Variants in SDK2 observed in about 807,000 individuals in gnomAD.
SDK2 encodes sidekick cell adhesion molecule 2, also known as protein sidekick-2.
SDK2 carries 105 observed loss-of-function variants against 253.9 expected under a neutral mutation model. That is an observed-to-expected ratio of 0.41 (90% CI 0.35 to 0.49). SDK2 has a LOEUF of 0.49. Ranked by LOEUF, SDK2 falls within the 20% of genes least tolerant of loss-of-function variation. SDK2 has a pLI of 0.06. For synonymous variants in SDK2, 1,249 were observed against 1,234.9 expected, an observed-to-expected ratio of 1.01 and a Z score of -0.24; for missense variants, 2,608 against 3,003.0, an observed-to-expected ratio of 0.87 and a Z score of 3.07.
chr17:73,501,253 C>CACACAA (rs2063888928), intron 2 of SDK2, among the ~76,000 whole-genome samples: 1 of 151,932 alleles, frequency 6.6e-6, no homozygotes, highest in Middle Eastern at 3.4e-3. Context: ...CACACACACA[C>CACACAA]ACACACATAT....
At chr17:73,574,734 C>T (rs764481952) in intron 1 of SDK2, among the ~76,000 whole-genome samples, 8 of 152,236 alleles carry the variant, frequency 5.3e-5, no homozygotes, top group East Asian at 1.9e-4. Context: ...TTCTCCACCT[C>T]TCTAGACACT....
intron 15 of SDK2, among the ~76,000 whole-genome samples, chr17:73,421,773 C>G (rs1055900433): frequency 6.6e-6 from 1 of 151,864 alleles, no homozygotes; most frequent in African/African-American, 2.4e-5. Flanking sequence ...GTTGGCCAGG[C>G]TGGTTTCGAA....
At chr17:73,354,453 C>T (rs2062567983) in intron 40 of SDK2, among the ~76,000 whole-genome samples, 1 of 152,194 alleles carries the variant, frequency 6.6e-6, no homozygotes. Flanking sequence ...GGTGGGAAGG[C>T]CAGGAGGGGC....
At chr17:73,604,107 C>G (rs1274129590) in intron 1 of SDK2, among the ~76,000 whole-genome samples, 2 of 152,246 alleles carry the variant, frequency 1.3e-5, no homozygotes, top group African/African-American at 4.8e-5. Context: ...CGTCAGCCTT[C>G]CTGGCCAGGA....
At chr17:73,412,020 G>A (rs1372981633) in intron 18 of SDK2, among the ~76,000 whole-genome samples, 12 of 49,622 alleles carry the variant, frequency 2.4e-4, no homozygotes, top group African/African-American at 7.9e-4. Context: ...GTAGATATAC[G>A]TATATGTATA....
intron 12 of SDK2, among the ~76,000 whole-genome samples, chr17:73,429,902 C>A (rs2063312544): frequency 6.6e-6 from 1 of 152,162 alleles, no homozygotes; most frequent in Non-Finnish European, 1.5e-5. Context: ...GTGGCTTCCA[C>A]AGAGGCGGGA....
intron 37 of SDK2, among the ~76,000 whole-genome samples, chr17:73,367,239 C>T (rs894699695): frequency 1.3e-5 from 2 of 152,040 alleles, no homozygotes; most frequent in African/African-American, 4.8e-5. Flanking sequence ...GAACTCCTGA[C>T]CTCAAATGAT....
chr17:73,592,126 C>A (rs1255841124), intron 1 of SDK2, among the ~76,000 whole-genome samples: 3 of 152,242 alleles, frequency 2.0e-5, no homozygotes, highest in African/African-American at 7.2e-5. Flanking sequence ...CAGGGAACTG[C>A]AGCCTGTCTA....
Position 73,365,399 on chromosome 17 carries a change from C to T in SDK2, c.5168-4G>A, listed in dbSNP as rs780836188. ...ACCGAGCTGGGAGCGCTGGGGGCTG[C>T]GGGAGACAGCAAAGGGTTTTTGTTT... On this transcript the variant is annotated splice_region_variant and splice_polypyrimidine_tract_variant and intron_variant, in intron 37 of 44. Transcript: ENST00000392650. The T allele has an allele frequency of 4.1e-5, 66 of 1,598,838 alleles. No homozygotes were observed. Among genetic ancestry groups the T allele is most frequent in the Middle Eastern group, 3.3e-4 (2 of 6,022 alleles).
intron 1 of SDK2, among the ~76,000 whole-genome samples, chr17:73,610,340 T>C (rs868360961): frequency 1.2e-4 from 19 of 152,200 alleles, no homozygotes; most frequent in Admixed American, 6.5e-5. Flanking sequence ...ATGCACCTTT[T>C]GCCCTGCTCC....
At chr17:73,550,440 A>G (rs1429609472) in intron 1 of SDK2, among the ~76,000 whole-genome samples, 2 of 152,116 alleles carry the variant, frequency 1.3e-5, no homozygotes, top group African/African-American at 4.8e-5. Flanking sequence ...ACCAAAGGAT[A>G]ATTAGAATGG....
At chr17:73,528,714 G>A (rs998274006) in intron 1 of SDK2, among the ~76,000 whole-genome samples, 3 of 152,124 alleles carry the variant, frequency 2.0e-5, no homozygotes, top group Admixed American at 1.3e-4. Context: ...GACACTGCAG[G>A]GTCACCATCC....
At position 73,443,875 on chromosome 17, in the gene SDK2, G is replaced by A. The variant is rs2063433300; in HGVS notation, c.614-2952C>T. On this transcript the variant is annotated intron_variant, in intron 5 of 44. Coordinates refer to ENST00000392650, the MANE Select transcript of SDK2 (RefSeq NM_001144952.2). The surrounding 1 kb of genome is among the most constrained non-coding windows in gnomAD (Gnocchi z 4.6). ...CCCCAGCTCAACAAATCTTTCCTAG[G>A]TGAATGCTTGACACGTGCCAGGCTG... Among the ~76,000 whole-genome samples, 1 of 152,170 alleles carries A rather than the reference G, an allele frequency of 6.6e-6. No individual in the cohort carries two copies. Among genetic ancestry groups the A allele is most frequent in the African/African-American group, 2.4e-5 (1 of 41,428 alleles).
intron 2 of SDK2, among the ~76,000 whole-genome samples, chr17:73,484,390 G>A (rs1484662383): frequency 8.5e-5 from 13 of 152,330 alleles, no homozygotes; most frequent in African/African-American, 3.1e-4. Flanking sequence ...GTGTGCAGGG[G>A]AGACTCAGTT....
chr17:73,423,733 G>A (rs899398986), intron 13 of SDK2, among the ~76,000 whole-genome samples, 183 bp downstream of exon 13: 2 of 152,194 alleles, frequency 1.3e-5, no homozygotes, highest in African/African-American at 4.8e-5. Context: ...TGCTCTTGAC[G>A]GAGGGCCTAA....
chr17:73,561,123 A>T (rs2045226324), intron 1 of SDK2, among the ~76,000 whole-genome samples: 1 of 152,064 alleles, frequency 6.6e-6, no homozygotes, highest in Admixed American at 6.5e-5. Flanking sequence ...TCCACCCCAG[A>T]CTCCACAACT....
chr17:73,498,008 C>G (rs938328549), intron 2 of SDK2, among the ~76,000 whole-genome samples: 1 of 152,194 alleles, frequency 6.6e-6, no homozygotes, highest in African/African-American at 2.4e-5. Context: ...TGGGTCCCAA[C>G]TTCCCCAGTG....
intron 3 of SDK2, among the ~76,000 whole-genome samples, chr17:73,469,988 GCGCGCACACA>G (rs1450887116): frequency 1.6e-4 from 18 of 112,454 alleles, no homozygotes; most frequent in Admixed American, 4.3e-4. Context: ...GACTGCGCGC[GCGCGCACACA>G]CACACACACA....
chr17:73,343,010 G>A (rs2062452271), intron 44 of SDK2, among the ~76,000 whole-genome samples: 1 of 152,176 alleles, frequency 6.6e-6, no homozygotes, highest in Non-Finnish European at 1.5e-5. Context: ...TCAGGCAGGT[G>A]GAATGGGAGT....
Sources: allele counts gnomAD v4.1 joint callset (sites outside exome capture counted in the v4.1 genomes callset), GRCh38; gene constraint gnomAD v4.1.1; non-coding constraint Gnocchi (gnomAD v3.1); transcripts MANE v1.5; gene names NCBI Gene and HGNC (gene_info 2026-07-23, HGNC 2026-07-21).